Variants in KRABD2 observed in about 807,000 individuals in gnomAD.
KRABD2 encodes KRAB domain-containing protein 2.
the KRABD2 span, among the ~76,000 whole-genome samples, chr17:8,362,237 G>A: frequency 3.7e-4 from 56 of 152,228 alleles, no homozygotes; most frequent in African/African-American, 1.3e-3. The surrounding 1 kb of genome is among the most constrained non-coding windows in gnomAD (Gnocchi z 4.2). Context: ...GGCTGAGGCG[G>A]GAGAATGGCG....
At chr17:8,365,021 C>T in the KRABD2 span, among the ~76,000 whole-genome samples, 4 of 145,616 alleles carry the variant, frequency 2.7e-5, no homozygotes, top group African/African-American at 5.1e-5. Context: ...GCAACAAGAA[C>T]GAAACTCTGT....
At chr17:8,363,838 T>TAATATATATATATA in the KRABD2 span, among the ~76,000 whole-genome samples, 14 of 73,212 alleles carry the variant, frequency 1.9e-4, no homozygotes, top group African/African-American at 7.1e-4. Flanking sequence ...TACATATATA[T>TAATATATATATATA]ATATATATAT....
At chr17:8,367,732 C>T in the KRABD2 span, among the ~76,000 whole-genome samples, 1 of 150,712 alleles carries the variant, frequency 6.6e-6, no homozygotes, top group Admixed American at 6.6e-5. Context: ...TGCGGCCTTC[C>T]GCAGTGTTTG....
At chr17:8,374,028 GTCC>G in the KRABD2 span, among the ~76,000 whole-genome samples, 1 of 150,394 alleles carries the variant, frequency 6.6e-6, no homozygotes, top group African/African-American at 2.5e-5. Flanking sequence ...CAGCCGCCCC[GTCC>G]GGGAGGGAGG....
the KRABD2 span, among the ~76,000 whole-genome samples, chr17:8,372,319 T>G: frequency 6.6e-6 from 1 of 152,246 alleles, no homozygotes; most frequent in Non-Finnish European, 1.5e-5. The surrounding 1 kb of genome is among the most constrained non-coding windows in gnomAD (Gnocchi z 4.1). Flanking sequence ...AATGTATTGA[T>G]AAGACACATC....
the KRABD2 span, among the ~76,000 whole-genome samples, chr17:8,375,029 T>C: frequency 6.6e-6 from 1 of 151,586 alleles, no homozygotes; most frequent in African/African-American, 2.4e-5. Flanking sequence ...CTTTCTTTTT[T>C]GAGACAGAGT....
the KRABD2 span, among the ~76,000 whole-genome samples, chr17:8,363,895 T>C: frequency 2.8e-5 from 4 of 143,906 alleles, no homozygotes; most frequent in Non-Finnish European, 6.0e-5. Flanking sequence ...TTTAGACAGA[T>C]TCTTGCTCTG....
the KRABD2 span, chr17:8,367,208 G>A: frequency 2.6e-5 from 4 of 152,110 alleles, no homozygotes; most frequent in African/African-American, 9.7e-5. Flanking sequence ...CTCTTAAAAA[G>A]GTAAGTCTGG....
At chr17:8,369,803 C>T in the KRABD2 span, 4 of 1,614,148 alleles carry the variant, frequency 2.5e-6, no homozygotes, top group South Asian at 3.3e-5. Context: ...CACTGGACTG[C>T]ATGTCAAGTA....
chr17:8,370,058 C>G, the KRABD2 span: 1 of 1,614,060 alleles, frequency 6.2e-7, no homozygotes, highest in South Asian at 1.1e-5. Flanking sequence ...GTACATAATA[C>G]CGTATTCGAT....
the KRABD2 span, chr17:8,370,359 G>A: frequency 1.9e-6 from 3 of 1,590,224 alleles, no homozygotes; most frequent in Non-Finnish European, 2.6e-6. Flanking sequence ...AGCTCTCTGA[G>A]GCATCATGGA....
At chr17:8,366,236 G>A in the KRABD2 span, among the ~76,000 whole-genome samples, 1 of 152,142 alleles carries the variant, frequency 6.6e-6, no homozygotes, top group African/African-American at 2.4e-5. Flanking sequence ...CACTTTCCAT[G>A]GGCTGGGCAC....
the KRABD2 span, among the ~76,000 whole-genome samples, chr17:8,374,820 C>A: frequency 6.1e-5 from 9 of 147,280 alleles, no homozygotes; most frequent in Non-Finnish European, 1.3e-4. Context: ...GTGGCGAGCG[C>A]CTGTAGTCCC....
the KRABD2 span, among the ~76,000 whole-genome samples, chr17:8,360,568 G>C: frequency 6.6e-6 from 1 of 152,086 alleles, no homozygotes; most frequent in African/African-American, 2.4e-5. Context: ...AGTTCAAAGG[G>C]ATAGAATTCT....
the KRABD2 span, chr17:8,376,581 G>A: frequency 1.9e-5 from 19 of 986,306 alleles, no homozygotes; most frequent in African/African-American, 2.8e-4. Flanking sequence ...AGGGCTGAAC[G>A]GCTGAGGCGG....
chr17:8,376,632 G>A, the KRABD2 span: 4 of 985,624 alleles, frequency 4.1e-6, no homozygotes, highest in Non-Finnish European at 4.8e-6. Context: ...AGGAAGGTCA[G>A]GAAGGAGAAA....
the KRABD2 span, among the ~76,000 whole-genome samples, chr17:8,371,114 G>A: frequency 6.6e-6 from 1 of 152,110 alleles, no homozygotes; most frequent in Non-Finnish European, 1.5e-5. Flanking sequence ...AGGTTGCAGT[G>A]AGCCGAGATT....
chr17:8,371,024 C>A, the KRABD2 span, among the ~76,000 whole-genome samples: 1 of 152,146 alleles, frequency 6.6e-6, no homozygotes. Flanking sequence ...CAAAATTTAG[C>A]CAGGTGTAGT....
chr17:8,370,387 C>A, the KRABD2 span: 1 of 1,538,110 alleles, frequency 6.5e-7, no homozygotes, highest in Non-Finnish European at 8.7e-7. Flanking sequence ...AAGAAGGATC[C>A]TAAGAAAGGA....
Sources: allele counts gnomAD v4.1 joint callset (sites outside exome capture counted in the v4.1 genomes callset), GRCh38; gene constraint gnomAD v4.1.1; non-coding constraint Gnocchi (gnomAD v3.1); transcripts MANE v1.5; gene names NCBI Gene and HGNC (gene_info 2026-07-23, HGNC 2026-07-21).